Variants in PITPNC1 observed in about 807,000 individuals in gnomAD.
PITPNC1 encodes the protein phosphatidylinositol transfer protein cytoplasmic 1, also known as cytoplasmic phosphatidylinositol transfer protein 1.
Under a neutral mutation model 44.7 loss-of-function variants are expected in PITPNC1, and 18 were observed. That is an observed-to-expected ratio of 0.40 (90% confidence interval 0.28 to 0.60). The LOEUF is 0.60. Among genes scored for constraint, PITPNC1 ranks in the 20% least tolerant of loss-of-function variants. PITPNC1 has a pLI of 0.39. For missense variants in PITPNC1, 290 were observed against 418.4 expected, an observed-to-expected ratio of 0.69 and a Z score of 2.68; for synonymous variants, 141 against 149.6, an observed-to-expected ratio of 0.94 and a Z score of 0.42.
intron 4 of PITPNC1, among the ~76,000 whole-genome samples, chr17:67,560,323 A>C (rs1272826001): frequency 1.3e-5 from 2 of 152,186 alleles, no homozygotes; most frequent in Non-Finnish European, 2.9e-5. Context: ...TTTTTTTCTA[A>C]ATTTCAGTGA....
chr17:67,552,112 C>G, intron 2 of PITPNC1, 145 bp from the exon 3 acceptor site: 1 of 621,828 alleles, frequency 1.6e-6, no homozygotes, highest in Non-Finnish European at 2.9e-6. Flanking sequence ...TGACAAAGAC[C>G]GAAGAGATGG....
intron 4 of PITPNC1, among the ~76,000 whole-genome samples, chr17:67,562,412 A>G (rs949053633): frequency 2.0e-5 from 3 of 152,126 alleles, no homozygotes; most frequent in Non-Finnish European, 4.4e-5. Flanking sequence ...TTCAGGTCCC[A>G]CCATTCCTCT....
At chr17:67,537,815 CA>C (rs59682429) in intron 2 of PITPNC1, among the ~76,000 whole-genome samples, 123,988 of 151,412 alleles carry the variant, frequency 0.82, 50,763 homozygotes, top group Middle Eastern at 0.88. Context: ...ACTAAAAATA[CA>C]AAAAAATTAG....
chr17:67,426,262 A>G lies in PITPNC1; in HGVS notation c.48+48060A>G, dbSNP rs139569544. On this transcript the variant is annotated intron_variant, in intron 1 of 8. Coordinates refer to ENST00000581322, the MANE Select transcript of PITPNC1 (RefSeq NM_012417.4). The stretch of plus-strand genomic sequence containing the variant: ...ACCCAGCAATCCCATTACTGGGTAT[A>G]TGCCCTAAGAAATATAAATCATTCT... 4.4e-3 allele frequency among the ~76,000 whole-genome samples: 665 copies of G among 152,320 alleles called. 9 individuals are homozygous for G. Among genetic ancestry groups the G allele is most frequent in the African/African-American group, 0.015 (629 of 41,574 alleles).
intron 1 of PITPNC1, among the ~76,000 whole-genome samples, chr17:67,420,381 TCCCCTC>T (rs67903188): frequency 0.55 from 79,230 of 144,420 alleles, 22,498 homozygotes; most frequent in African/African-American, 0.68. Flanking sequence ...CCTTCCTCCC[TCCCCTC>T]CCTCCCTCCC....
At chr17:67,452,453 T>C (rs532727895) in intron 1 of PITPNC1, among the ~76,000 whole-genome samples, 1 of 152,140 alleles carries the variant, frequency 6.6e-6, no homozygotes, top group South Asian at 2.1e-4. Flanking sequence ...TGTATACAAT[T>C]CTTGGATGGA....
At chr17:67,553,501 G>A (rs139292319) in intron 3 of PITPNC1, 109 bp from the exon 4 acceptor site, 79 of 475,692 alleles carry the variant, frequency 1.7e-4, no homozygotes, top group Middle Eastern at 3.0e-4. Context: ...ATTATAGTTC[G>A]TCAGTATTTG....
intron 1 of PITPNC1, among the ~76,000 whole-genome samples, chr17:67,513,806 G>A (rs961437315): frequency 1.3e-5 from 2 of 152,138 alleles, no homozygotes; most frequent in Non-Finnish European, 2.9e-5. Context: ...TCCTCCCACT[G>A]CTTAGCATCC....
intron 1 of PITPNC1, among the ~76,000 whole-genome samples, chr17:67,419,722 A>G (rs2038642675): frequency 6.6e-6 from 1 of 152,208 alleles, no homozygotes; most frequent in South Asian, 2.1e-4. Context: ...CTTGGCCAAC[A>G]TGGCGAAACC....
At chr17:67,412,575 A>AT (rs1428310011) in intron 1 of PITPNC1, among the ~76,000 whole-genome samples, 2 of 151,756 alleles carry the variant, frequency 1.3e-5, no homozygotes, top group Non-Finnish European at 2.9e-5. Context: ...TCATTTATTT[A>AT]TTTTTTTTGA....
intron 1 of PITPNC1, among the ~76,000 whole-genome samples, chr17:67,453,145 G>A (rs1236921857): frequency 6.6e-6 from 1 of 152,050 alleles, no homozygotes; most frequent in Non-Finnish European, 1.5e-5. Context: ...AAATGCTTAG[G>A]GTTTGTTGAG....
At chr17:67,600,007 T>C (rs1320211531) in intron 5 of PITPNC1, among the ~76,000 whole-genome samples, 1 of 152,100 alleles carries the variant, frequency 6.6e-6, no homozygotes, top group Non-Finnish European at 1.5e-5. Flanking sequence ...TTGATGTAGG[T>C]CTTTTATGGC....
chr17:67,626,013 A>G (rs1161061930), intron 5 of PITPNC1, among the ~76,000 whole-genome samples: 8 of 148,074 alleles, frequency 5.4e-5, no homozygotes, highest in Non-Finnish European at 1.2e-4. Context: ...TTGAGACAGG[A>G]TCTCACTCTG....
At chr17:67,426,229 A>C (rs903829065) in intron 1 of PITPNC1, among the ~76,000 whole-genome samples, 15 of 152,210 alleles carry the variant, frequency 9.9e-5, no homozygotes, top group African/African-American at 3.6e-4. Flanking sequence ...AACCAGAAAT[A>C]CCATTTGACC....
intron 1 of PITPNC1, among the ~76,000 whole-genome samples, chr17:67,505,198 G>A (rs1195731229): frequency 6.6e-6 from 1 of 152,128 alleles, no homozygotes; most frequent in Admixed American, 6.6e-5. Context: ...CTGCTGTGTT[G>A]AGTGATGTGT....
At chr17:67,624,214 C>CTTTT (rs71139163) in intron 5 of PITPNC1, among the ~76,000 whole-genome samples, 2 of 127,118 alleles carry the variant, frequency 1.6e-5, no homozygotes, top group African/African-American at 3.0e-5. Context: ...TCTTTCTTTT[C>CTTTT]TTTTTTTTTT....
rs571272051 is a variant in PITPNC1 at position 67,513,489 on chromosome 17, G to GTATATATA, written c.49-19296_49-19289dup. 9.4e-4 allele frequency among the ~76,000 whole-genome samples: 130 copies of GTATATATA among 138,656 alleles called. 3 individuals are homozygous for GTATATATA. In the South Asian group the frequency reaches 0.018, roughly 19 times the overall value. 91.0% of individuals were successfully genotyped at this position (138,656 alleles called of 152,430 possible). On this transcript the variant is annotated intron_variant, in intron 1 of 8. Coordinates refer to ENST00000581322, the MANE Select transcript of PITPNC1 (RefSeq NM_012417.4). The stretch of plus-strand genomic sequence containing the variant: ...ATATTTTTACTATATGTGTGTGTGT[G>GTATATATA]TATATATATATATATATATATATAG...
intron 1 of PITPNC1, among the ~76,000 whole-genome samples, chr17:67,476,296 C>T (rs986205959): frequency 2.6e-5 from 4 of 151,246 alleles, no homozygotes; most frequent in South Asian, 2.1e-4. Flanking sequence ...AAGTGATTGC[C>T]CTGCCTCAGC....
chr17:67,540,069 CATTTTATTTTATTTT>C lies in PITPNC1; in HGVS notation c.197+7149_197+7163del, dbSNP rs60946208. Among the ~76,000 whole-genome samples, 435 of 144,314 alleles carry C rather than the reference CATTTTATTTTATTTT, an allele frequency of 3.0e-3. 2 individuals carry two copies. Among genetic ancestry groups the C allele is most frequent in the African/African-American group, 9.8e-3 (381 of 38,922 alleles). 94.7% of individuals were successfully genotyped at this position (144,314 alleles called of 152,430 possible). On this transcript the variant is annotated intron_variant, in intron 2 of 8. Coordinates refer to ENST00000581322, the MANE Select transcript of PITPNC1 (RefSeq NM_012417.4). ...GAGGAAACTTTACCTGTATCTACTA[CATTTTATTTTATTTT>C]ATTTTATTTTATTTTATTTTATTTT...
Sources: allele counts gnomAD v4.1 joint callset (sites outside exome capture counted in the v4.1 genomes callset), GRCh38; gene constraint gnomAD v4.1.1; transcripts MANE v1.5; gene names NCBI Gene and HGNC (gene_info 2026-07-23, HGNC 2026-07-21).